The following CDC42BPB variants were observed in gnomAD, a reference collection of about 807,000 sequenced individuals.
CDC42BPB encodes the protein CDC42 binding protein kinase beta.
CDC42BPB carries 37 observed loss-of-function variants against 214.9 expected under a neutral mutation model. The ratio of observed to expected loss-of-function variants is 0.17; its 90% confidence interval spans 0.13 to 0.23. The LOEUF (loss-of-function observed/expected upper bound fraction) is 0.23, where lower values mean the gene tolerates loss of function less well. Among genes scored for constraint, CDC42BPB ranks in the 10% least tolerant of loss-of-function variants. CDC42BPB has a pLI of 1.00. For synonymous variants in CDC42BPB, 931 were observed against 884.0 expected, an observed-to-expected ratio of 1.05 and a Z score of -0.94; for missense variants, 1,694 against 2,227.0, an observed-to-expected ratio of 0.76 and a Z score of 4.82.
At chr14:102,992,206 T>C (rs1168018052) in intron 5 of CDC42BPB, among the ~76,000 whole-genome samples, 1 of 152,222 alleles carries the variant, frequency 6.6e-6, no homozygotes, top group Non-Finnish European at 1.5e-5. Flanking sequence ...AACAATCCAC[T>C]GAGTTGCACC....
chr14:103,002,261 G>A (rs772470682), intron 4 of CDC42BPB, among the ~76,000 whole-genome samples: 7 of 152,132 alleles, frequency 4.6e-5, no homozygotes, highest in African/African-American at 7.2e-5. Flanking sequence ...AGCCGGCCCC[G>A]CAGTCACGGG....
intron 19 of CDC42BPB, among the ~76,000 whole-genome samples, 192 bp downstream of exon 19, chr14:102,964,310 C>T (rs1218882149): frequency 1.3e-5 from 2 of 152,258 alleles, no homozygotes; most frequent in Non-Finnish European, 2.9e-5. Flanking sequence ...CCCTCGCGGC[C>T]ACCTCAGTGC....
chr14:103,024,307 C>T (rs1483634026), intron 1 of CDC42BPB, among the ~76,000 whole-genome samples: 3 of 152,198 alleles, frequency 2.0e-5, no homozygotes, highest in Non-Finnish European at 1.5e-5. Flanking sequence ...CTTACTCTTC[C>T]TGGCTCTCTA....
intron 5 of CDC42BPB, among the ~76,000 whole-genome samples, chr14:102,997,982 T>C (rs1862439439): frequency 6.6e-6 from 1 of 152,172 alleles, no homozygotes; most frequent in South Asian, 2.1e-4. Context: ...CCATCTCTAC[T>C]AAAAATACAA....
chr14:102,933,770 G>A lies in CDC42BPB; in HGVS notation c.5078C>T (p.Ser1693Phe), dbSNP rs1485309676. The A allele has an allele frequency of 1.5e-5, 22 of 1,503,718 alleles. No individual in the cohort carries two copies. The highest frequency in any genetic ancestry group is 1.8e-5 in the Non-Finnish European group (21 of 1,140,396). The allele number at this position is 1,503,718 out of a possible 1,614,324, so 93.1% of individuals were successfully genotyped here. Reference sequence around the variant, plus strand: ...GAGGGGGAGCTGGCTCCTGTGGGGGGAGTTGGGGCTCGGTGGGCCGCTGGG... The same window carrying A: ...GAGGGGGAGCTGGCTCCTGTGGGGGAAGTTGGGGCTCGGTGGGCCGCTGGG... ...SNPSGPPSPNSPHRSQLPLEG... is the reference protein window; with the variant it reads ...SNPSGPPSPNFPHRSQLPLEG... The change falls in exon 37 of 37, where the codon TCC becomes TTC. Residue 1693 changes from serine (S) to phenylalanine (F), a missense_variant. By Grantham distance (155) the Ser-to-Phe change is radical (BLOSUM62 -2). Transcript: ENST00000361246.
chr14:103,019,740 T>A (rs909849389), intron 1 of CDC42BPB, among the ~76,000 whole-genome samples: 4 of 152,224 alleles, frequency 2.6e-5, no homozygotes, highest in African/African-American at 7.2e-5. Flanking sequence ...TGGAGAAATT[T>A]TCTCCTCATC....
intron 4 of CDC42BPB, among the ~76,000 whole-genome samples, chr14:103,002,326 C>T (rs1028210347): frequency 2.0e-5 from 3 of 152,214 alleles, no homozygotes; most frequent in African/African-American, 4.8e-5. Flanking sequence ...TTTCATGGTA[C>T]GTCTACCTGG....
chr14:102,989,389 A>T (rs1894391498), intron 5 of CDC42BPB, among the ~76,000 whole-genome samples: 1 of 152,170 alleles, frequency 6.6e-6, no homozygotes, highest in African/African-American at 2.4e-5. Flanking sequence ...TGATCCAGCA[A>T]CCCCACTTGT....
chr14:103,020,669 T>TGA (rs941949620), intron 1 of CDC42BPB, among the ~76,000 whole-genome samples: 4 of 151,878 alleles, frequency 2.6e-5, no homozygotes, highest in African/African-American at 4.8e-5. Context: ...TGAACCCCCG[T>TGA]GAGAGAGAGA....
At chr14:102,953,586 TC>T (rs1892585156) in intron 23 of CDC42BPB, among the ~76,000 whole-genome samples, 2 of 152,338 alleles carry the variant, frequency 1.3e-5, no homozygotes, top group Admixed American at 1.3e-4. Flanking sequence ...GGCTACGTAC[TC>T]GCAATGCTTG....
chr14:102,977,038 C>T (rs1231923600), intron 9 of CDC42BPB, among the ~76,000 whole-genome samples: 1 of 152,080 alleles, frequency 6.6e-6, no homozygotes, highest in Non-Finnish European at 1.5e-5. Flanking sequence ...CTTCCAAGCT[C>T]GAGCAGAAGT....
intron 1 of CDC42BPB, among the ~76,000 whole-genome samples, chr14:103,053,377 C>T (rs1439246363): frequency 6.6e-6 from 1 of 150,588 alleles, no homozygotes; most frequent in African/African-American, 2.4e-5. Context: ...GAAAAGAATA[C>T]ACACGCAAAG....
intron 7 of CDC42BPB, chr14:102,981,296 C>T: frequency 1.7e-6 from 1 of 600,954 alleles, no homozygotes. Flanking sequence ...GGGAAACATG[C>T]CGTGCGCGGG....
intron 1 of CDC42BPB, among the ~76,000 whole-genome samples, chr14:103,020,256 A>G (rs1886692168): frequency 6.6e-6 from 1 of 152,228 alleles, no homozygotes; most frequent in Non-Finnish European, 1.5e-5. Flanking sequence ...GAAGGTGAAC[A>G]GGGCCCCAAT....
At chr14:102,967,308 A>C in intron 16 of CDC42BPB, 138 bp from the exon 17 acceptor site, 1 of 1,416,818 alleles carries the variant, frequency 7.1e-7, no homozygotes, top group Non-Finnish European at 9.2e-7. Flanking sequence ...TAAGTTCATG[A>C]TATGGATTTT....
In CDC42BPB at chr14:102,933,633, A is replaced by G; in HGVS notation, c.*79T>C. 8.6e-7 allele frequency: 1 copy of G among 1,169,288 alleles called. No homozygotes were observed. The highest frequency in any genetic ancestry group is 1.1e-6 in the Non-Finnish European group (1 of 889,086). The allele number at this position is 1,169,288 out of a possible 1,614,324, so 72.4% of individuals were successfully genotyped here. The stretch of plus-strand genomic sequence containing the variant: ...GTGATTCTACATTTCCTTGGACAAC[A>G]CTGGAGGGCCCGCTCAGTCTTGGCA... On this transcript the variant is annotated 3_prime_UTR_variant, in exon 37 of 37. Transcript: ENST00000361246.
intron 21 of CDC42BPB, among the ~76,000 whole-genome samples, chr14:102,956,065 C>T (rs977934014): frequency 2.0e-5 from 3 of 152,188 alleles, no homozygotes; most frequent in Admixed American, 6.5e-5. Context: ...TGTTACGGTT[C>T]CATCTTTAGA....
At chr14:102,956,482 C>T (rs920345911) in intron 21 of CDC42BPB, 14 of 951,364 alleles carry the variant, frequency 1.5e-5, no homozygotes, top group Non-Finnish European at 6.3e-6. Flanking sequence ...CAGACCCAGC[C>T]CCTGATGGAG....
chr14:102,950,679 G>A (rs1892447149), intron 24 of CDC42BPB, 77 bp from the exon 25 acceptor site: 1 of 1,406,210 alleles, frequency 7.1e-7, no homozygotes, highest in Non-Finnish European at 9.3e-7. Flanking sequence ...GCCCTGAGGA[G>A]GCAATTTAAT....
Sources: gnomAD v4.1 joint callset for allele counts (sites outside exome capture counted in the v4.1 genomes callset) on GRCh38, gnomAD v4.1.1 for gene constraint, MANE v1.5 for transcripts, NCBI Gene and HGNC (gene_info 2026-07-23, HGNC 2026-07-21) for gene names.